The following ULK4 variants were observed in gnomAD, a reference collection of about 807,000 sequenced individuals.
ULK4 encodes unc-51 like kinase 4.
Under a neutral mutation model 160.6 loss-of-function variants are expected in ULK4, and 133 were observed. That is an observed-to-expected ratio of 0.83 (90% CI 0.72 to 0.96). The LOEUF is 0.96. ULK4 is among the 40% of genes least tolerant of loss of function. The probability of loss-of-function intolerance (pLI) is 0.00; values close to 1 mark genes in which losing one functional copy is unlikely to be tolerated. For synonymous variants in ULK4, 534 were observed against 539.8 expected (o/e 0.99, Z 0.15); for missense variants, 1,580 against 1,499.5 (o/e 1.05, Z -0.89).
chr3:41,565,430 G>A (rs1018477411), intron 32 of ULK4, among the ~76,000 whole-genome samples: 3 of 152,168 alleles, frequency 2.0e-5, no homozygotes, highest in Admixed American at 2.0e-4. Flanking sequence ...GGCATTAAGA[G>A]GATGGGAAAT....
chr3:41,425,066 T>C (rs1343863869), intron 34 of ULK4, among the ~76,000 whole-genome samples: 2 of 152,000 alleles, frequency 1.3e-5, no homozygotes, highest in African/African-American at 2.4e-5. Context: ...TTACAGGAGC[T>C]GTTAACCAGA....
intron 32 of ULK4, among the ~76,000 whole-genome samples, chr3:41,501,330 T>C (rs950222324): frequency 2.6e-5 from 4 of 152,126 alleles, no homozygotes; most frequent in Non-Finnish European, 5.9e-5. Context: ...ACCCCGTCTC[T>C]ACTAAAAATA....
intron 34 of ULK4, among the ~76,000 whole-genome samples, chr3:41,430,173 A>C (rs975655990): frequency 1.3e-5 from 2 of 152,228 alleles, no homozygotes; most frequent in African/African-American, 2.4e-5. Context: ...CAAGGGTAAT[A>C]AAATAAAAAC....
chr3:41,425,266 C>CA (rs909771663), intron 34 of ULK4, among the ~76,000 whole-genome samples: 65 of 151,414 alleles, frequency 4.3e-4, no homozygotes, highest in African/African-American at 1.3e-3. Flanking sequence ...TAAAAAGAAA[C>CA]AAAAAAAACC....
At chr3:41,708,059 C>T (rs985953614) in intron 25 of ULK4, among the ~76,000 whole-genome samples, 3 of 151,146 alleles carry the variant, frequency 2.0e-5, no homozygotes, top group East Asian at 3.9e-4. Flanking sequence ...TGCACACTGT[C>T]GGTGGGAATG....
intron 35 of ULK4, among the ~76,000 whole-genome samples, chr3:41,374,960 T>G (rs191634059): frequency 6.6e-6 from 1 of 152,176 alleles, no homozygotes; most frequent in East Asian, 1.9e-4. Context: ...AAAATCAATG[T>G]GCAAAAATCA....
intron 32 of ULK4, among the ~76,000 whole-genome samples, chr3:41,482,127 C>A (rs147673900): frequency 4.3e-4 from 66 of 152,176 alleles, no homozygotes; most frequent in African/African-American, 1.3e-3. Flanking sequence ...ACCCTGAATT[C>A]TTTTTTGCAT....
At chr3:41,345,141 T>C (rs1309870669) in intron 35 of ULK4, among the ~76,000 whole-genome samples, 4 of 152,176 alleles carry the variant, frequency 2.6e-5, no homozygotes, top group Non-Finnish European at 4.4e-5. Flanking sequence ...CTGATGAGAT[T>C]GCAGAGAAAA....
intron 35 of ULK4, among the ~76,000 whole-genome samples, chr3:41,353,736 T>TACC (rs1491273666): frequency 6.8e-6 from 1 of 147,214 alleles, no homozygotes; most frequent in Non-Finnish European, 1.5e-5. Flanking sequence ...CTACTACTAC[T>TACC]ACTACTACTA....
chr3:41,369,902 A>G (rs79379244), intron 35 of ULK4, among the ~76,000 whole-genome samples: 1,523 of 152,152 alleles, frequency 0.01, 15 homozygotes, highest in African/African-American at 0.027. Context: ...GGCCAGGAAA[A>G]AAGAAAAAAA....
intron 31 of ULK4, among the ~76,000 whole-genome samples, chr3:41,583,312 C>G (rs2030527883): frequency 6.6e-6 from 1 of 152,064 alleles, no homozygotes; most frequent in Admixed American, 6.5e-5. Context: ...GAGTTTGCCT[C>G]TCTCTATTGA....
intron 18 of ULK4, among the ~76,000 whole-genome samples, chr3:41,833,930 A>G (rs1290872165): frequency 6.6e-6 from 1 of 152,118 alleles, no homozygotes; most frequent in African/African-American, 2.4e-5. Flanking sequence ...GTGTATAACT[A>G]TTGAGTGAAA....
intron 29 of ULK4, among the ~76,000 whole-genome samples, chr3:41,675,461 A>G (rs1356936356): frequency 6.6e-6 from 1 of 151,816 alleles, no homozygotes; most frequent in African/African-American, 2.4e-5. Context: ...GTGGTGGTAC[A>G]TGCCTGCAGT....
intron 34 of ULK4, among the ~76,000 whole-genome samples, chr3:41,403,732 TG>T (rs2082233301): frequency 6.6e-6 from 1 of 152,178 alleles, no homozygotes; most frequent in South Asian, 2.1e-4. Context: ...AAGCTTTTGG[TG>T]TTGCAAATTT....
intron 35 of ULK4, among the ~76,000 whole-genome samples, chr3:41,267,113 C>A (rs1043990730): frequency 6.7e-6 from 1 of 150,104 alleles, no homozygotes; most frequent in Non-Finnish European, 1.5e-5. Context: ...TATACGTGTG[C>A]CACGGTGGTC....
chr3:41,478,004 C>T (rs1400043201), intron 32 of ULK4, among the ~76,000 whole-genome samples: 1 of 152,234 alleles, frequency 6.6e-6, no homozygotes, highest in Non-Finnish European at 1.5e-5. Flanking sequence ...TGCTTGTCAC[C>T]AGGCCAATGC....
intron 16 of ULK4, among the ~76,000 whole-genome samples, chr3:41,887,266 T>C (rs1575887955): frequency 6.6e-6 from 1 of 152,232 alleles, no homozygotes; most frequent in East Asian, 1.9e-4. Context: ...CATGTTGTTC[T>C]AAGAATCAGG....
chr3:41,284,358 T>C (rs1021795399), intron 35 of ULK4, among the ~76,000 whole-genome samples: 3 of 152,068 alleles, frequency 2.0e-5, no homozygotes, highest in South Asian at 2.1e-4. Context: ...TATAAGGCCA[T>C]AGTCACCAAA....
intron 17 of ULK4, among the ~76,000 whole-genome samples, chr3:41,846,017 G>T (rs536245274): frequency 9.2e-5 from 14 of 152,164 alleles, no homozygotes; most frequent in South Asian, 4.1e-4. Context: ...TAATGCTACA[G>T]ACCCTTAAAG....
Sources: allele counts gnomAD v4.1 joint callset (sites outside exome capture counted in the v4.1 genomes callset), GRCh38; gene constraint gnomAD v4.1.1; transcripts MANE v1.5; gene names NCBI Gene and HGNC (gene_info 2026-07-23, HGNC 2026-07-21).